Variants in PPP2R2B observed in about 807,000 individuals in gnomAD.
PPP2R2B encodes the protein protein phosphatase 2 regulatory subunit Bbeta.
A neutral mutation model predicts 46.0 loss-of-function variants in PPP2R2B; 5 were observed. The ratio of observed to expected loss-of-function variants is 0.11; its 90% CI spans 0.06 to 0.23. The LOEUF is 0.23. PPP2R2B is among the 10% of genes least tolerant of loss of function. The pLI is 1.00. For synonymous variants in PPP2R2B, 215 were observed against 206.7 expected (o/e 1.04, Z -0.34); for missense variants, 367 against 575.0 (o/e 0.64, Z 3.70).
Position 146,939,000 on chromosome 5 carries a change from C to T in PPP2R2B, c.79+116665G>A, listed in dbSNP as rs1400039020. Among the ~76,000 whole-genome samples the T allele has an allele frequency of 3.3e-5, 5 of 151,848 alleles. 1 individual carries two copies. Among genetic ancestry groups the T allele is most frequent in the South Asian group, 2.1e-4 (1 of 4,812 alleles). Reference sequence around the variant, plus strand: ...TTCACCATGTTGCCCAGGCTGGTCTCGAACTCCTAAGCTCAGGCAATCAGA... The same window carrying T: ...TTCACCATGTTGCCCAGGCTGGTCTTGAACTCCTAAGCTCAGGCAATCAGA... On this transcript the variant is annotated intron_variant, in intron 1 of 8. Coordinates refer to the PPP2R2B transcript ENST00000336640.
chr5:146,759,435 C>A (rs1026393257), intron 2 of PPP2R2B, among the ~76,000 whole-genome samples: 9 of 152,168 alleles, frequency 5.9e-5, no homozygotes, highest in South Asian at 2.1e-4. Flanking sequence ...AAAACTAAAA[C>A]TGAGTTTAAA....
At chr5:147,031,499 G>A (rs1170975087) in intron 1 of PPP2R2B, among the ~76,000 whole-genome samples, 2 of 146,060 alleles carry the variant, frequency 1.4e-5, no homozygotes, top group East Asian at 4.0e-4. Context: ...AATTTATCTT[G>A]ACTGGAGTTA....
At chr5:146,590,761 C>T (rs554616786) in intron 9 of PPP2R2B, among the ~76,000 whole-genome samples, 18 of 152,180 alleles carry the variant, frequency 1.2e-4, no homozygotes, top group African/African-American at 2.6e-4. Flanking sequence ...ACCCGGGGCG[C>T]GACCTCTCCC....
chr5:147,019,025 T>C (rs189509502), intron 1 of PPP2R2B, among the ~76,000 whole-genome samples: 2 of 152,288 alleles, frequency 1.3e-5, no homozygotes, highest in Admixed American at 1.3e-4. Flanking sequence ...TACTGCAAGA[T>C]CATAATTCAC....
chr5:146,735,274 A>G (rs1016824646), intron 2 of PPP2R2B, among the ~76,000 whole-genome samples: 5 of 152,172 alleles, frequency 3.3e-5, no homozygotes, highest in Non-Finnish European at 5.9e-5. Context: ...CCAGTTTAAT[A>G]CTGATAAGTG....
intron 2 of PPP2R2B, among the ~76,000 whole-genome samples, chr5:146,761,797 AGCATGGT>A: frequency 6.6e-6 from 1 of 152,292 alleles, no homozygotes; most frequent in East Asian, 1.9e-4. Flanking sequence ...TAAAACACCT[AGCATGGT>A]GCCTGGTGTG....
At chr5:146,772,335 A>T (rs940410269) in intron 2 of PPP2R2B, among the ~76,000 whole-genome samples, 7 of 145,052 alleles carry the variant, frequency 4.8e-5, no homozygotes, top group African/African-American at 1.8e-4. Flanking sequence ...GAGCACGTAG[A>T]ATGTATATTT....
At chr5:146,639,592 A>G (rs543144188) in intron 6 of PPP2R2B, among the ~76,000 whole-genome samples, 16 of 152,256 alleles carry the variant, frequency 1.1e-4, no homozygotes, top group African/African-American at 3.8e-4. Flanking sequence ...CCTGCAAAGA[A>G]CAAGCCTTGT....
At chr5:146,762,594 C>A (rs1313240199) in intron 2 of PPP2R2B, among the ~76,000 whole-genome samples, 4 of 152,176 alleles carry the variant, frequency 2.6e-5, no homozygotes, top group Non-Finnish European at 5.9e-5. Context: ...TCTTTGGGAA[C>A]AGATTTCTGG....
intron 1 of PPP2R2B, among the ~76,000 whole-genome samples, chr5:147,002,216 G>A (rs919948804): frequency 6.6e-6 from 1 of 152,048 alleles, no homozygotes; most frequent in African/African-American, 2.4e-5. Flanking sequence ...TGGGCTCACC[G>A]ATCAGAAAGA....
At chr5:146,609,953 T>C (rs1208601035) in intron 7 of PPP2R2B, among the ~76,000 whole-genome samples, 1 of 144,832 alleles carries the variant, frequency 6.9e-6, no homozygotes, top group Admixed American at 6.9e-5. Context: ...CTTGCTTAGG[T>C]AAACAAAGCA....
chr5:146,888,764 G>A (rs1025357981), intron 1 of PPP2R2B, among the ~76,000 whole-genome samples: 1 of 152,074 alleles, frequency 6.6e-6, no homozygotes, highest in African/African-American at 2.4e-5. Flanking sequence ...GACAGGACAG[G>A]AAGACAGGAG....
At chr5:146,815,416 G>T (rs1757872633) in intron 2 of PPP2R2B, among the ~76,000 whole-genome samples, 2 of 152,190 alleles carry the variant, frequency 1.3e-5, no homozygotes, top group African/African-American at 4.8e-5. Flanking sequence ...ATCTTAGCAG[G>T]TTGCACAATA....
At chr5:146,781,794 T>A (rs2151283615) in intron 2 of PPP2R2B, among the ~76,000 whole-genome samples, 1 of 152,178 alleles carries the variant, frequency 6.6e-6, no homozygotes, top group East Asian at 1.9e-4. Flanking sequence ...CAACTGAAAG[T>A]CAAATAAAGG....
exon 1 of PPP2R2B, chr5:147,081,281 G>T: frequency 2.0e-6 from 3 of 1,535,654 alleles, no homozygotes; most frequent in Non-Finnish European, 2.6e-6. Flanking sequence ...TCAGAGAAGA[G>T]ACCCTAGTGA....
At chr5:147,061,784 A>C (rs1757266100) in intron 2 of PPP2R2B, among the ~76,000 whole-genome samples, 1 of 152,190 alleles carries the variant, frequency 6.6e-6, no homozygotes, top group Non-Finnish European at 1.5e-5. Context: ...GCCTCACAAC[A>C]GAAGATTTTG....
chr5:146,603,656 C>A (rs178727), intron 7 of PPP2R2B, among the ~76,000 whole-genome samples: 19,070 of 152,188 alleles, frequency 0.13, 3,034 homozygotes, highest in African/African-American at 0.38. Flanking sequence ...AATTATTTTC[C>A]TTCCTTGGGT....
intron 5 of PPP2R2B, among the ~76,000 whole-genome samples, chr5:146,657,969 A>G (rs1398212559): frequency 6.6e-6 from 1 of 152,224 alleles, no homozygotes; most frequent in African/African-American, 2.4e-5. Flanking sequence ...GGTTATAACC[A>G]CACACTGGCC....
At chr5:146,595,616 T>G (rs1347354271) in intron 8 of PPP2R2B, among the ~76,000 whole-genome samples, 1 of 152,192 alleles carries the variant, frequency 6.6e-6, no homozygotes, top group Non-Finnish European at 1.5e-5. Context: ...TGCCTCCAAT[T>G]GACAGCATTT....
Sources: gnomAD v4.1 joint callset for allele counts (sites outside exome capture counted in the v4.1 genomes callset) on GRCh38, gnomAD v4.1.1 for gene constraint, MANE v1.5 for transcripts, NCBI Gene and HGNC (gene_info 2026-07-23, HGNC 2026-07-21) for gene names.